The following RARB variants were observed in gnomAD, a reference collection of about 807,000 sequenced individuals.
The protein encoded by RARB is HBV-activated protein.
RARB carries 17 observed loss-of-function variants against 51.9 expected under a neutral mutation model. That is an observed-to-expected ratio of 0.33 (90% CI 0.22 to 0.49). RARB has a LOEUF of 0.49. Among genes scored for constraint, RARB ranks in the 20% least tolerant of loss-of-function variants. RARB has a pLI of 0.99. For synonymous variants in RARB, 215 were observed against 195.4 expected (o/e 1.10, Z -0.84); for missense variants, 369 against 550.8 (o/e 0.67, Z 3.30).
intron 3 of RARB, among the ~76,000 whole-genome samples, chr3:25,074,950 C>G (rs1409005608): frequency 1.3e-5 from 2 of 152,084 alleles, no homozygotes; most frequent in East Asian, 3.9e-4. Flanking sequence ...ATCTTGGTTC[C>G]CAGTTCTATA....
chr3:25,510,356 GCCCACACCTGTAAT>G (rs1559442866), intron 3 of RARB, among the ~76,000 whole-genome samples: 1 of 152,168 alleles, frequency 6.6e-6, no homozygotes, highest in Non-Finnish European at 1.5e-5. Flanking sequence ...GGGCACAGTG[GCCCACACCTGTAAT>G]CCCAGCACTT....
intron 5 of RARB, among the ~76,000 whole-genome samples, chr3:25,300,987 ACT>A (rs1260936773): frequency 6.6e-6 from 1 of 152,158 alleles, no homozygotes; most frequent in African/African-American, 2.4e-5. Context: ...ACAAAGCGAG[ACT>A]CTGTCTCAAA....
intron 5 of RARB, among the ~76,000 whole-genome samples, chr3:25,218,665 T>G (rs1028769690): frequency 4.6e-5 from 7 of 152,194 alleles, no homozygotes; most frequent in Non-Finnish European, 8.8e-5. Flanking sequence ...GCTATGACCT[T>G]ACCTTGCTAT....
At chr3:25,243,709 G>T (rs1013420014) in intron 5 of RARB, among the ~76,000 whole-genome samples, 1 of 152,092 alleles carries the variant, frequency 6.6e-6, no homozygotes, top group Non-Finnish European at 1.5e-5. Flanking sequence ...GAATCGGTTT[G>T]CCAGTATTTT....
intron 5 of RARB, among the ~76,000 whole-genome samples, chr3:25,238,265 C>T (rs975747380): frequency 3.3e-5 from 5 of 151,974 alleles, no homozygotes; most frequent in Admixed American, 3.3e-4. Flanking sequence ...TTTGTCTTTC[C>T]ATGCCTGGCT....
intron 2 of RARB, among the ~76,000 whole-genome samples, chr3:24,962,473 T>C (rs1199369688): frequency 6.6e-6 from 1 of 152,086 alleles, no homozygotes; most frequent in Non-Finnish European, 1.5e-5. Context: ...GCTTAAAAAC[T>C]ACTACACTAA....
At chr3:25,157,814 C>CAGA (rs1329468323) in intron 4 of RARB, among the ~76,000 whole-genome samples, 2 of 152,198 alleles carry the variant, frequency 1.3e-5, no homozygotes, top group Non-Finnish European at 2.9e-5. Flanking sequence ...TTGCCTCTAA[C>CAGA]AGAAGCTTGA....
chr3:24,846,744 G>A (rs753547017), intron 1 of RARB, among the ~76,000 whole-genome samples: 1 of 152,118 alleles, frequency 6.6e-6, no homozygotes, highest in South Asian at 2.1e-4. Context: ...TTGAGCCAGG[G>A]CAAATGTTCC....
chr3:25,330,544 C>T (rs962027771), intron 5 of RARB, among the ~76,000 whole-genome samples: 1 of 152,164 alleles, frequency 6.6e-6, no homozygotes, highest in South Asian at 2.1e-4. Flanking sequence ...CAACCAGTAC[C>T]AGCCACTAAA....
chr3:25,428,522 C>A lies in RARB; in HGVS notation c.-210C>A. The A allele has an allele frequency of 7.8e-7, 1 of 1,275,348 alleles. No homozygotes were observed. The highest frequency in any genetic ancestry group is 9.9e-7 in the Non-Finnish European group (1 of 1,011,304). The allele number at this position is 1,275,348 out of a possible 1,614,324, so 79.0% of individuals were successfully genotyped here. On this transcript the variant is annotated 5_prime_UTR_variant, in exon 1 of 8. The change creates a new upstream start codon in the 5' untranslated region. Transcript: ENST00000330688. ...CCCCGGCTGGATTGGCCGAGCAAGCCTGGAAAATGGTAAATGATCATTTGG... is the reference window on the plus strand; with the variant it reads ...CCCCGGCTGGATTGGCCGAGCAAGCATGGAAAATGGTAAATGATCATTTGG...
At chr3:25,158,347 T>C (rs1195195669) in intron 4 of RARB, among the ~76,000 whole-genome samples, 1 of 152,242 alleles carries the variant, frequency 6.6e-6, no homozygotes, top group Non-Finnish European at 1.5e-5. Flanking sequence ...AATAGTTCCA[T>C]GGCTTGCATT....
chr3:25,389,751 A>C (rs116816230), intron 5 of RARB, among the ~76,000 whole-genome samples: 1,672 of 152,316 alleles, frequency 0.011, 28 homozygotes, highest in African/African-American at 0.038. Context: ...GCTCTCTCAA[A>C]ATTCACACTA....
chr3:25,204,852 A>G (rs1476346106), intron 5 of RARB, among the ~76,000 whole-genome samples: 1 of 152,194 alleles, frequency 6.6e-6, no homozygotes, highest in Non-Finnish European at 1.5e-5. Flanking sequence ...GGTGCCTGCC[A>G]GTTAGGCTAC....
chr3:24,831,697 T>G (rs916616674), intron 1 of RARB, among the ~76,000 whole-genome samples: 11 of 150,808 alleles, frequency 7.3e-5, no homozygotes, highest in African/African-American at 2.2e-4. Flanking sequence ...AAAAAAAAAC[T>G]GTGGGGTTAG....
At chr3:24,939,070 C>A (rs1334217150) in intron 2 of RARB, among the ~76,000 whole-genome samples, 1 of 151,964 alleles carries the variant, frequency 6.6e-6, no homozygotes, top group African/African-American at 2.4e-5. Flanking sequence ...GCAACCTCCG[C>A]CTCCCAGGTT....
At chr3:24,855,828 T>C (rs1559372550) in intron 1 of RARB, among the ~76,000 whole-genome samples, 1 of 146,270 alleles carries the variant, frequency 6.8e-6, no homozygotes, top group Non-Finnish European at 1.5e-5. Flanking sequence ...CTTGGCTCAC[T>C]GCAAGCTCCG....
intron 5 of RARB, among the ~76,000 whole-genome samples, chr3:25,420,887 A>G (rs1170722417): frequency 6.6e-6 from 1 of 151,844 alleles, no homozygotes; most frequent in African/African-American, 2.4e-5. Context: ...AGATGATAAC[A>G]CAAGATAGAT....
At chr3:25,142,588 AT>A (rs34526859) in intron 4 of RARB, among the ~76,000 whole-genome samples, 71,576 of 145,966 alleles carry the variant, frequency 0.49, 17,110 homozygotes, top group East Asian at 0.62. Context: ...CACTGCCTGT[AT>A]TTTTTTTTTT....
intron 3 of RARB, among the ~76,000 whole-genome samples, chr3:25,083,402 C>T (rs1175063340): frequency 6.6e-6 from 1 of 151,612 alleles, no homozygotes; most frequent in Non-Finnish European, 1.5e-5. Context: ...CCTCTCTGAT[C>T]TCTTTTGGCA....
Sources: gnomAD v4.1 joint callset for allele counts (sites outside exome capture counted in the v4.1 genomes callset) on GRCh38, gnomAD v4.1.1 for gene constraint, MANE v1.5 for transcripts, NCBI Gene and HGNC (gene_info 2026-07-23, HGNC 2026-07-21) for gene names.